CD38: variants seen among roughly 807,000 people sequenced by gnomAD.
CD38 encodes the protein ADP-ribosyl cyclase/cyclic ADP-ribose hydrolase 1.
Under a neutral mutation model 36.3 loss-of-function variants are expected in CD38, and 31 were observed. The ratio of observed to expected loss-of-function variants is 0.85; its 90% confidence interval spans 0.64 to 1.15. The LOEUF is 1.15. Ranked by LOEUF, CD38 falls within the 50% of genes most tolerant of loss-of-function variation. CD38 has a pLI of 0.00. For synonymous variants in CD38, 131 were observed against 135.2 expected, an observed-to-expected ratio of 0.97 and a Z score of 0.22; for missense variants, 380 against 371.9, an observed-to-expected ratio of 1.02 and a Z score of -0.18.
chr4:15,804,436 G>A (rs374995572), intron 1 of CD38, among the ~76,000 whole-genome samples: 1 of 152,226 alleles, frequency 6.6e-6, no homozygotes, highest in African/African-American at 2.4e-5. Context: ...TATATCCAAA[G>A]AAAATAAAAT....
Position 15,778,348 on chromosome 4 carries a change from G to C in CD38, c.-67G>C, listed in dbSNP as rs2148911505. 2 of 1,042,312 alleles carry C rather than the reference G, an allele frequency of 1.9e-6. No homozygotes were observed. Among genetic ancestry groups the C allele is most frequent in the East Asian group, 4.8e-5 (2 of 42,018 alleles). The allele number at this position is 1,042,312 out of a possible 1,614,324, so 64.6% of individuals were successfully genotyped here. ...GAGGTGCAGTTTCAGAACCCAGCCA[G>C]CCTCTCTCTTGCTGCCTAGCCTCCT... On this transcript the variant is annotated 5_prime_UTR_variant, in exon 1 of 8. Transcript: ENST00000226279. This position sits in a 1 kb window ranked among gnomAD's most constrained non-coding sequence, Gnocchi z 4.9.
chr4:15,816,391 T>C, intron 1 of CD38, 120 bp from the exon 2 acceptor site: 1 of 744,782 alleles, frequency 1.3e-6, no homozygotes, highest in Non-Finnish European at 2.1e-6. Context: ...CGAGATAATA[T>C]GTATGAACTA....
intron 2 of CD38, among the ~76,000 whole-genome samples, chr4:15,819,885 A>T (rs186667642): frequency 8.9e-4 from 135 of 152,288 alleles, no homozygotes; most frequent in African/African-American, 3.2e-3. Context: ...AATTCAGGAA[A>T]TCCAGAGAAC....
chr4:15,817,271 T>C (rs552265811), intron 2 of CD38, among the ~76,000 whole-genome samples: 2 of 152,358 alleles, frequency 1.3e-5, no homozygotes, highest in Non-Finnish European at 2.9e-5. Context: ...TTCTAATACA[T>C]TGGTTATATT....
At chr4:15,815,972 A>G (rs1014350251) in intron 1 of CD38, among the ~76,000 whole-genome samples, 2 of 152,160 alleles carry the variant, frequency 1.3e-5, no homozygotes, top group African/African-American at 4.8e-5. Context: ...TTTTAGCATG[A>G]AGGGATGTTG....
At chr4:15,823,255 C>T (rs1723778466) in intron 2 of CD38, among the ~76,000 whole-genome samples, 1 of 152,156 alleles carries the variant, frequency 6.6e-6, no homozygotes, top group South Asian at 2.1e-4. Context: ...TCATTTGGGA[C>T]ACAGGCACAG....
In CD38 at chr4:15,778,724, C is replaced by T; in HGVS notation, c.233+77C>T. On this transcript the variant is annotated intron_variant, in intron 1 of 7. Coordinates refer to ENST00000226279, the MANE Select transcript of CD38 (RefSeq NM_001775.4). This position sits in a 1 kb window ranked among gnomAD's most constrained non-coding sequence, Gnocchi z 4.9. ...CCGCGCGCAGGGAAGCCGCCCGGAT[C>T]GCCCGGAACCGGGCATCTTCCGTGG... 9.6e-7 allele frequency: 1 copy of T among 1,040,026 alleles called. No homozygotes were observed. Among genetic ancestry groups the T allele is most frequent in the Non-Finnish European group, 1.4e-6 (1 of 698,944 alleles). The allele number at this position is 1,040,026 out of a possible 1,614,324, so 64.4% of individuals were successfully genotyped here.
chr4:15,787,076 G>A (rs951150307), intron 1 of CD38, among the ~76,000 whole-genome samples: 4 of 152,338 alleles, frequency 2.6e-5, no homozygotes, highest in African/African-American at 7.2e-5. Flanking sequence ...GCTGGCCCAC[G>A]AGCGCCTCTC....
At chr4:15,811,086 GTA>G (rs1222215007) in intron 1 of CD38, among the ~76,000 whole-genome samples, 1 of 152,082 alleles carries the variant, frequency 6.6e-6, no homozygotes, top group Non-Finnish European at 1.5e-5. Context: ...GAAAAAATGT[GTA>G]TAAAATTATT....
At chr4:15,833,508 T>A (rs751655007) in intron 3 of CD38, among the ~76,000 whole-genome samples, 9 of 152,216 alleles carry the variant, frequency 5.9e-5, no homozygotes, top group Non-Finnish European at 1.3e-4. Context: ...CACATGGGAA[T>A]GTTTCTTTTT....
chr4:15,834,142 G>A (rs1405826623), intron 3 of CD38, 75 bp from the exon 4 acceptor site: 2 of 969,776 alleles, frequency 2.1e-6, no homozygotes, highest in East Asian at 2.4e-5. Flanking sequence ...CACTATGACT[G>A]AACAGCCAGG....
intron 5 of CD38, among the ~76,000 whole-genome samples, chr4:15,839,056 G>A (rs1057219394): frequency 6.6e-6 from 1 of 152,146 alleles, no homozygotes; most frequent in South Asian, 2.1e-4. Flanking sequence ...CTGAAAGGAG[G>A]AAGCATATAT....
chr4:15,817,133 C>G (rs1045999449), intron 2 of CD38, among the ~76,000 whole-genome samples: 11 of 152,152 alleles, frequency 7.2e-5, no homozygotes, highest in Admixed American at 2.0e-4. Context: ...TGTCAGCATC[C>G]CAATTTCACC....
rs1577627212 is a variant in CD38 at position 15,778,899 on chromosome 4, C to T, written c.233+252C>T. On this transcript the variant is annotated intron_variant, in intron 1 of 7. Transcript: ENST00000226279. This position sits in a 1 kb window ranked among gnomAD's most constrained non-coding sequence, Gnocchi z 4.9. ...CTGCTCGGTGGCTCTGCTGCGTAGC[C>T]GGTGAACACTTGGCACCGATGCCCG... Among the ~76,000 whole-genome samples the T allele has an allele frequency of 6.6e-6, 1 of 152,078 alleles. No individual in the cohort carries two copies. The highest frequency in any genetic ancestry group is 2.4e-5 in the African/African-American group (1 of 41,430).
chr4:15,810,343 C>T (rs760667191), intron 1 of CD38, among the ~76,000 whole-genome samples: 12 of 152,154 alleles, frequency 7.9e-5, no homozygotes, highest in Non-Finnish European at 1.6e-4. Context: ...GTGCTCAGTG[C>T]ACATGAATTT....
At chr4:15,838,620 A>G (rs11574927) in intron 5 of CD38, among the ~76,000 whole-genome samples, 21,251 of 152,176 alleles carry the variant, frequency 0.14, 1,694 homozygotes, top group South Asian at 0.22. Flanking sequence ...ATTCAGTAGT[A>G]AAACTACTAC....
intron 1 of CD38, among the ~76,000 whole-genome samples, chr4:15,789,539 G>T (rs1722912137): frequency 6.6e-6 from 1 of 152,106 alleles, no homozygotes; most frequent in South Asian, 2.1e-4. Context: ...AGATGCTATG[G>T]TTTGCACATT....
intron 1 of CD38, among the ~76,000 whole-genome samples, chr4:15,796,762 C>T (rs7679308): frequency 0.43 from 64,992 of 151,870 alleles, 15,849 homozygotes; most frequent in African/African-American, 0.67. Context: ...GTATCTCTTC[C>T]GTGTCTTAGT....
At chr4:15,829,508 G>A (rs547436550) in intron 3 of CD38, among the ~76,000 whole-genome samples, 5 of 152,024 alleles carry the variant, frequency 3.3e-5, no homozygotes, top group East Asian at 3.9e-4. Flanking sequence ...AAAAAAAATC[G>A]CAAAAAATCT....
Sources: allele counts gnomAD v4.1 joint callset (sites outside exome capture counted in the v4.1 genomes callset), GRCh38; gene constraint gnomAD v4.1.1; non-coding constraint Gnocchi (gnomAD v3.1); transcripts MANE v1.5; gene names NCBI Gene and HGNC (gene_info 2026-07-23, HGNC 2026-07-21).